The following TGFBR2 variants were observed in gnomAD, a reference collection of about 807,000 sequenced individuals.
TGFBR2 encodes transforming growth factor beta receptor 2.
A neutral mutation model predicts 49.0 loss-of-function variants in TGFBR2; 18 were observed. That is an observed-to-expected ratio of 0.37 (90% CI 0.25 to 0.54). The LOEUF (loss-of-function observed/expected upper bound fraction) is 0.54, where lower values mean the gene tolerates loss of function less well. Among genes scored for constraint, TGFBR2 ranks in the 20% least tolerant of loss-of-function variants. The pLI, the probability that TGFBR2 is intolerant of heterozygous loss-of-function variation, is 0.85. For missense variants in TGFBR2, 525 were observed against 722.6 expected (o/e 0.73, Z 3.13); for synonymous variants, 282 against 275.9 (o/e 1.02, Z -0.22).
chr3:30,649,802 A>T (rs1168574785), intron 2 of TGFBR2, among the ~76,000 whole-genome samples: 2 of 152,274 alleles, frequency 1.3e-5, no homozygotes, highest in East Asian at 3.9e-4. Flanking sequence ...TTCCCCAGGC[A>T]TGCTCTTTGA....
intron 2 of TGFBR2, among the ~76,000 whole-genome samples, chr3:30,648,060 CA>C (rs1196492875): frequency 1.3e-5 from 2 of 151,876 alleles, no homozygotes. Flanking sequence ...TGTTGCAGGA[CA>C]AAAAAAGAAG....
chr3:30,607,840 TATATATATAAATATATATAATATTA>T (rs1344320362), intron 1 of TGFBR2, among the ~76,000 whole-genome samples: 3 of 123,164 alleles, frequency 2.4e-5, no homozygotes, highest in African/African-American at 1.4e-4. Context: ...TATATATAAT[TATATATATAAATATATATAATATTA>T]ATATATATAT....
intron 1 of TGFBR2, among the ~76,000 whole-genome samples, chr3:30,637,063 GAAA>G (rs752993282): frequency 3.0e-5 from 3 of 99,132 alleles, no homozygotes; most frequent in African/African-American, 3.9e-5. Flanking sequence ...GACTCTGTCT[GAAA>G]AAAAAAAAAA....
chr3:30,689,239 A>G (rs1257627394), intron 6 of TGFBR2, among the ~76,000 whole-genome samples: 2 of 152,290 alleles, frequency 1.3e-5, no homozygotes, highest in African/African-American at 4.8e-5. Context: ...GTTTGGGGGC[A>G]CTTTGATGAG....
At chr3:30,680,674 C>G (rs570662901) in intron 5 of TGFBR2, among the ~76,000 whole-genome samples, 67 of 151,718 alleles carry the variant, frequency 4.4e-4, no homozygotes, top group African/African-American at 1.5e-3. Context: ...CATTTTAATC[C>G]TCTGAAAGAA....
intron 2 of TGFBR2, among the ~76,000 whole-genome samples, chr3:30,647,899 G>A (rs1175100669): frequency 6.6e-6 from 1 of 152,068 alleles, no homozygotes; most frequent in Admixed American, 6.5e-5. Flanking sequence ...GGCTGGTCTC[G>A]AACTCCTGAC....
At position 30,688,340 on chromosome 3, in the gene TGFBR2, C is replaced by A. The variant is rs779344162; in HGVS notation, c.1397-44C>A. 3.1e-6 allele frequency: 5 copies of A among 1,613,754 alleles called. 1 individual carries two copies. In the Admixed American group the frequency reaches 8.3e-5, roughly 27 times the overall value. ...ACCATGCTCATTTCCTTTGGCTGCA[C>A]ATGCCATTCTCAGTGACCCTGTGTT... On this transcript the variant is annotated intron_variant, in intron 5 of 6. Coordinates refer to ENST00000295754, the MANE Select transcript of TGFBR2 (RefSeq NM_003242.6).
At chr3:30,690,241 T>C (rs1699688978) in intron 6 of TGFBR2, among the ~76,000 whole-genome samples, 1 of 152,172 alleles carries the variant, frequency 6.6e-6, no homozygotes, top group Non-Finnish European at 1.5e-5. Context: ...ATCAGACCAT[T>C]TACTTAACTC....
chr3:30,667,893 C>G (rs1285710605), intron 3 of TGFBR2, among the ~76,000 whole-genome samples: 1 of 152,106 alleles, frequency 6.6e-6, no homozygotes, highest in Non-Finnish European at 1.5e-5. Context: ...TCTCCAGATT[C>G]TGCCAATGAG....
At chr3:30,646,588 T>A (rs572587920) in intron 2 of TGFBR2, among the ~76,000 whole-genome samples, 12 of 152,276 alleles carry the variant, frequency 7.9e-5, no homozygotes, top group African/African-American at 2.9e-4. Context: ...GTGCTCAGCA[T>A]AAGTTTAGAC....
At position 30,647,857 on chromosome 3, in the gene TGFBR2, T is replaced by G. The variant is rs1462380822; in HGVS notation, c.264-2413T>G. Among the ~76,000 whole-genome samples, 4 of 151,988 alleles carry G rather than the reference T, an allele frequency of 2.6e-5. No individual in the cohort carries two copies. In the East Asian group the frequency reaches 7.7e-4, roughly 29 times the overall value. On this transcript the variant is annotated intron_variant, in intron 2 of 6. Coordinates refer to ENST00000295754, the MANE Select transcript of TGFBR2 (RefSeq NM_003242.6). ...ATCACGTGGCTAATTTTTTGTATTT[T>G]TAGTAGAGATGGGGTTTCACTGTGT...
At chr3:30,652,300 T>A (rs1698907196) in intron 3 of TGFBR2, among the ~76,000 whole-genome samples, 1 of 137,420 alleles carries the variant, frequency 7.3e-6, no homozygotes, top group Non-Finnish European at 1.5e-5. Context: ...AATGGCACGA[T>A]CTTGGCTCAC....
At chr3:30,639,244 C>T (rs1476638673) in intron 1 of TGFBR2, among the ~76,000 whole-genome samples, 1 of 152,178 alleles carries the variant, frequency 6.6e-6, no homozygotes, top group Non-Finnish European at 1.5e-5. Context: ...TCTGTAAGGT[C>T]AGTTTCGTGT....
In TGFBR2 at chr3:30,688,514, A is replaced by G. The variant is rs1486137817; in HGVS notation, c.1524+3A>G. On this transcript the variant is annotated splice_donor_region_variant and intron_variant, in intron 6 of 6. Transcript: ENST00000295754. ...CCAGCTTCTGGCTCAACCACCAGGT[A>G]AGGAGTGAGTGTTTACAAAGGTCAG... is the stretch of plus-strand genomic sequence containing the variant. The G allele has an allele frequency of 2.0e-5, 32 of 1,614,168 alleles. No homozygotes were observed. The highest frequency in any genetic ancestry group is 2.6e-5 in the Non-Finnish European group (31 of 1,179,988).
rs752099306 is a variant in TGFBR2, at chr3:30,691,534, C to T, written c.1639C>T (p.Leu547Phe). 1.2e-6 allele frequency: 2 copies of T among 1,614,150 alleles called. No homozygotes were observed. The highest frequency in any genetic ancestry group is 1.1e-5 in the South Asian group (1 of 91,082). Residue 547 changes from leucine (L) to phenylalanine (F), a missense_variant, in exon 7 of 7, where the codon CTC (leucine) becomes TTC (phenylalanine). Leu to Phe is a conservative substitution (Grantham distance 22, BLOSUM62 0). Around this residue, in one of 3 missense-constraint regions of TGFBR2, gnomAD observed 104 missense variants for 133.4 expected, o/e 0.78. Transcript: ENST00000295754. ...RFSELEHLDR[L>F]SGRSCSEEKI... ...CAGTGAGCTGGAGCATCTGGACAGG[C>T]TCTCGGGGAGGAGCTGCTCGGAGGA...
intron 1 of TGFBR2, among the ~76,000 whole-genome samples, chr3:30,627,096 A>G (rs1276511103): frequency 1.3e-5 from 2 of 152,132 alleles, no homozygotes; most frequent in East Asian, 1.9e-4. Context: ...AAATCTAAAG[A>G]TGTGTGGGGA....
Position 30,626,023 on chromosome 3 carries a change from G to A in TGFBR2, c.95-18724G>A, listed in dbSNP as rs572291183. Among the ~76,000 whole-genome samples, 10 of 152,304 alleles carry A rather than the reference G, an allele frequency of 6.6e-5. No homozygotes were observed. In the East Asian group the frequency reaches 1.7e-3, roughly 26 times the overall value. Reference sequence around the variant, plus strand: ...TGCGAACTTCTAAAAGAATTCCAAAGCCTGAGCCAAGCACCTAGAAGTTCT... The same window carrying A: ...TGCGAACTTCTAAAAGAATTCCAAAACCTGAGCCAAGCACCTAGAAGTTCT... On this transcript the variant is annotated intron_variant, in intron 1 of 6. Coordinates refer to ENST00000295754, the MANE Select transcript of TGFBR2 (RefSeq NM_003242.6).
intron 1 of TGFBR2, among the ~76,000 whole-genome samples, chr3:30,627,662 T>A (rs1256036923): frequency 1.3e-5 from 2 of 151,856 alleles, no homozygotes; most frequent in Non-Finnish European, 2.9e-5. Context: ...GTGTTAAGGT[T>A]TAAGGACAGC....
intron 1 of TGFBR2, among the ~76,000 whole-genome samples, chr3:30,644,084 T>C (rs2125404091): frequency 6.6e-6 from 1 of 152,308 alleles, no homozygotes; most frequent in Admixed American, 6.5e-5. Context: ...AGGCACTCAG[T>C]AAGTGTTAGT....
Sources: allele counts gnomAD v4.1 joint callset (sites outside exome capture counted in the v4.1 genomes callset), GRCh38; gene constraint gnomAD v4.1.1; regional missense constraint gnomAD v4.1.1; transcripts MANE v1.5; gene names NCBI Gene and HGNC (gene_info 2026-07-23, HGNC 2026-07-21).